Variants in FRYL observed in about 807,000 individuals in gnomAD.
FRYL encodes FRY like transcription coactivator.
Under a neutral mutation model 351.2 loss-of-function variants are expected in FRYL, and 150 were observed. The observed-to-expected ratio is 0.43, with a 90% CI of 0.37 to 0.49. FRYL has a LOEUF of 0.49. Among genes scored for constraint, FRYL ranks in the 20% least tolerant of loss-of-function variants. FRYL has a pLI of 0.00. For synonymous variants in FRYL, 1,153 were observed against 1,257.1 expected, an observed-to-expected ratio of 0.92 and a Z score of 1.75; for missense variants, 3,036 against 3,619.3, an observed-to-expected ratio of 0.84 and a Z score of 4.13.
intron 1 of FRYL, among the ~76,000 whole-genome samples, chr4:48,714,273 G>C (rs1302978316): frequency 6.7e-6 from 1 of 149,662 alleles, no homozygotes; most frequent in Non-Finnish European, 1.5e-5. Flanking sequence ...ACTAAAATCA[G>C]AGCAGAACTG....
chr4:48,571,677 C>A (rs1738364933), intron 26 of FRYL: 6 of 984,992 alleles, frequency 6.1e-6, no homozygotes, highest in Non-Finnish European at 7.2e-6. Flanking sequence ...AATGACTAAT[C>A]AATTACATTT....
intron 3 of FRYL, among the ~76,000 whole-genome samples, chr4:48,642,329 C>T (rs749961767): frequency 3.3e-5 from 5 of 152,114 alleles, no homozygotes; most frequent in Admixed American, 6.5e-5. Context: ...TAGTATCTGA[C>T]ACACCTCCAT....
intron 2 of FRYL, among the ~76,000 whole-genome samples, chr4:48,696,788 C>G (rs1322025561): frequency 6.9e-6 from 1 of 144,146 alleles, no homozygotes; most frequent in Non-Finnish European, 1.5e-5. Flanking sequence ...TATTATTAAG[C>G]AAGAAAATAA....
At chr4:48,538,621 T>C (rs1729405965) in intron 47 of FRYL, among the ~76,000 whole-genome samples, 1 of 152,188 alleles carries the variant, frequency 6.6e-6, no homozygotes, top group South Asian at 2.1e-4. Flanking sequence ...GCTGTGCTAC[T>C]TGTTAATCAA....
chr4:48,596,424 T>C (rs182764868), intron 13 of FRYL, among the ~76,000 whole-genome samples: 7 of 152,276 alleles, frequency 4.6e-5, no homozygotes, highest in Admixed American at 3.9e-4. Flanking sequence ...ATTACAGTCA[T>C]TTGCATTTAC....
Position 48,501,664 on chromosome 4 carries a change from T to G in FRYL, c.8551A>C (p.Lys2851Gln). 6.2e-7 allele frequency: 1 copy of G among 1,610,316 alleles called. No homozygotes were observed. The highest frequency in any genetic ancestry group is 8.5e-7 in the Non-Finnish European group (1 of 1,176,820). The change falls in exon 62 of 64, where the codon AAA becomes CAA. Residue 2851 changes from lysine to glutamine, a missense_variant. Physicochemically the swap from Lys to Gln is moderately conservative, Grantham distance 53. Around this residue, in one of 7 missense-constraint regions of FRYL, gnomAD observed 1,987 missense variants for 2,311.7 expected, o/e 0.86. Coordinates refer to ENST00000358350, the MANE Select transcript of FRYL (RefSeq NM_015030.2). ...ATCGTATTTACTTGGTTGATAAGTTTACAGTAGGCCTGGAACAGAAGCAGC... is the reference window on the plus strand; with the variant it reads ...ATCGTATTTACTTGGTTGATAAGTTGACAGTAGGCCTGGAACAGAAGCAGC... Reference protein sequence around the residue: ...QLLLLFQAYCKLINQVNTIKN... With the variant: ...QLLLLFQAYCQLINQVNTIKN...
intron 56 of FRYL, among the ~76,000 whole-genome samples, chr4:48,513,070 G>A (rs1040499920): frequency 1.3e-5 from 2 of 152,084 alleles, no homozygotes; most frequent in Non-Finnish European, 2.9e-5. Context: ...TATTCTTAAA[G>A]TTTTGATCAT....
At chr4:48,582,758 G>T in intron 19 of FRYL, 24 bp from the exon 20 acceptor site, 2 of 1,501,048 alleles carry the variant, frequency 1.3e-6, no homozygotes, top group Non-Finnish European at 1.9e-6. Context: ...AATTCCATTA[G>T]CAAACTTCAA....
intron 1 of FRYL, among the ~76,000 whole-genome samples, chr4:48,765,420 A>AATG (rs1441603656): frequency 6.6e-6 from 1 of 152,192 alleles, no homozygotes; most frequent in Non-Finnish European, 1.5e-5. Context: ...TCTCCTCAAT[A>AATG]ATGGTTTGGG....
At chr4:48,701,099 G>A (rs1766668074) in intron 2 of FRYL, among the ~76,000 whole-genome samples, 3 of 152,106 alleles carry the variant, frequency 2.0e-5, no homozygotes, top group Admixed American at 6.5e-5. Context: ...ACTGTTAAAT[G>A]TGACTTTAGA....
At chr4:48,674,425 A>G (rs1763219437) in intron 3 of FRYL, among the ~76,000 whole-genome samples, 1 of 150,822 alleles carries the variant, frequency 6.6e-6, no homozygotes, top group East Asian at 1.9e-4. Flanking sequence ...ATCACATCAC[A>G]TGTGATCATT....
chr4:48,628,469 G>C (rs1356333198), intron 4 of FRYL, among the ~76,000 whole-genome samples: 3 of 74,840 alleles, frequency 4.0e-5, no homozygotes, highest in Admixed American at 1.7e-4. Flanking sequence ...TGTGTTTAAA[G>C]GTGATTTCAT....
Position 48,742,973 on chromosome 4 carries a change from ATTT to A in FRYL, c.-383-32278_-383-32276del, listed in dbSNP as rs71191256. Among the ~76,000 whole-genome samples the A allele has an allele frequency of 5.0e-3, 412 of 81,724 alleles. 3 individuals are homozygous for A. Among genetic ancestry groups the A allele is most frequent in the African/African-American group, 0.016 (369 of 22,382 alleles). The allele number at this position is 81,724 out of a possible 152,430, so 53.6% of individuals were successfully genotyped here. A position where few individuals can be genotyped will look rare whatever the true frequency, so the allele number is the denominator to read the frequency against. The stretch of plus-strand genomic sequence containing the variant: ...AGGTGTGCGCCACCACGCCTGGATA[ATTT>A]TTTTTTTTTTTTTTTTTTTTTTACT... On this transcript the variant is annotated intron_variant, in intron 1 of 63. Transcript: ENST00000358350.
intron 4 of FRYL, among the ~76,000 whole-genome samples, chr4:48,625,604 G>A (rs1751626253): frequency 6.6e-6 from 1 of 152,142 alleles, no homozygotes; most frequent in Non-Finnish European, 1.5e-5. Context: ...ATCCAGAGAT[G>A]ATTTAAAGTA....
intron 1 of FRYL, among the ~76,000 whole-genome samples, chr4:48,726,741 G>A (rs1309497760): frequency 2.6e-5 from 4 of 152,150 alleles, no homozygotes; most frequent in African/African-American, 9.7e-5. Flanking sequence ...GTTGGGCTCT[G>A]AACCTCTCTC....
In FRYL at chr4:48,510,846, C is replaced by G. The variant is rs752604240; in HGVS notation, c.8284G>C (p.Asp2762His). The change falls in exon 58 of 64, where the codon GAT (aspartate) becomes CAT (histidine). Residue 2762 changes from aspartate to histidine, a missense_variant. Physicochemically the swap from Asp to His is moderately conservative, Grantham distance 81 (BLOSUM62 -1). Coordinates refer to ENST00000358350, the MANE Select transcript of FRYL (RefSeq NM_015030.2). ...ATGTAAAAACTTACTGTTTCAGCAT[C>G]CACAAAGACTGTTGGGCATTCTGAA... ...LCSECPTVFV[D>H]AETLMSCGLL... 2.1e-5 allele frequency: 34 copies of G among 1,611,558 alleles called. No individual in the cohort carries two copies. Among genetic ancestry groups the G allele is most frequent in the Non-Finnish European group, 2.7e-5 (32 of 1,178,944 alleles).
chr4:48,522,109 C>T (rs1725040262), intron 54 of FRYL, among the ~76,000 whole-genome samples: 1 of 152,122 alleles, frequency 6.6e-6, no homozygotes. Context: ...AAGACCCCAT[C>T]TCTACAAAAA....
At chr4:48,665,643 A>C (rs897601456) in intron 3 of FRYL, among the ~76,000 whole-genome samples, 1 of 152,208 alleles carries the variant, frequency 6.6e-6, no homozygotes. Flanking sequence ...ATCTGCCATC[A>C]AAATTGGCTA....
chr4:48,728,563 C>CA (rs1770340214), intron 1 of FRYL, among the ~76,000 whole-genome samples: 1 of 151,858 alleles, frequency 6.6e-6, no homozygotes, highest in African/African-American at 2.4e-5. Flanking sequence ...GCTGAAAAAA[C>CA]AAAAAAAGCA....
Sources: allele counts gnomAD v4.1 joint callset (sites outside exome capture counted in the v4.1 genomes callset), GRCh38; gene constraint gnomAD v4.1.1; regional missense constraint gnomAD v4.1.1; transcripts MANE v1.5; gene names NCBI Gene and HGNC (gene_info 2026-07-23, HGNC 2026-07-21).